Variants in DSCAM observed in about 807,000 individuals in gnomAD.
The protein encoded by DSCAM is cell adhesion molecule DSCAM.
A neutral mutation model predicts 217.7 loss-of-function variants in DSCAM; 47 were observed. The observed-to-expected ratio is 0.22, with a 90% CI of 0.17 to 0.28. The LOEUF is 0.28. DSCAM is among the 10% of genes least tolerant of loss of function. DSCAM has a pLI of 1.00. For missense variants in DSCAM, 2,080 were observed against 2,618.3 expected, an observed-to-expected ratio of 0.79 and a Z score of 4.49; for synonymous variants, 1,056 against 1,015.3, an observed-to-expected ratio of 1.04 and a Z score of -0.76.
At chr21:40,430,508 C>A (rs2205087) in intron 3 of DSCAM, among the ~76,000 whole-genome samples, 2,054 of 152,350 alleles carry the variant, frequency 0.013, 40 homozygotes, top group East Asian at 0.047. Context: ...GAACATTAGA[C>A]TCCAAGCTCT....
chr21:40,401,270 C>T (rs560271400), intron 3 of DSCAM, among the ~76,000 whole-genome samples: 15 of 152,154 alleles, frequency 9.9e-5, no homozygotes, highest in African/African-American at 3.6e-4. Flanking sequence ...TCAAAATAAC[C>T]ACACTTTATG....
intron 1 of DSCAM, among the ~76,000 whole-genome samples, chr21:40,721,597 GA>G (rs1239196661): frequency 2.0e-5 from 3 of 152,040 alleles, no homozygotes; most frequent in African/African-American, 7.2e-5. Context: ...CAATGAACCA[GA>G]AAACAGAGCA....
At chr21:40,299,099 A>G (rs754564662) in intron 9 of DSCAM, among the ~76,000 whole-genome samples, 7 of 152,170 alleles carry the variant, frequency 4.6e-5, no homozygotes, top group Non-Finnish European at 8.8e-5. Flanking sequence ...CCAGTGATTT[A>G]CAGTCACATG....
intron 3 of DSCAM, among the ~76,000 whole-genome samples, chr21:40,474,113 T>C (rs1327777287): frequency 6.6e-6 from 1 of 151,978 alleles, no homozygotes; most frequent in African/African-American, 2.4e-5. Flanking sequence ...GCCAACATGG[T>C]GAAACCAGTT....
chr21:40,062,149 T>C (rs1198536616), intron 28 of DSCAM, among the ~76,000 whole-genome samples: 2 of 152,178 alleles, frequency 1.3e-5, no homozygotes, highest in Admixed American at 1.3e-4. Context: ...AAAATAGAGT[T>C]TGGGGACGTG....
chr21:40,412,180 A>G (rs2075329496), intron 3 of DSCAM, among the ~76,000 whole-genome samples: 1 of 152,096 alleles, frequency 6.6e-6, no homozygotes, highest in Admixed American at 6.6e-5. Context: ...GCTTTTGTAA[A>G]TTGCCCAGTC....
chr21:40,185,931 A>C (rs1011551769), intron 14 of DSCAM, among the ~76,000 whole-genome samples: 4 of 152,186 alleles, frequency 2.6e-5, no homozygotes, highest in African/African-American at 4.8e-5. Context: ...CAACCCCGGA[A>C]GGCCCTTCCT....
chr21:40,349,136 CAAAAAAAAA>C (rs758386936), intron 5 of DSCAM, among the ~76,000 whole-genome samples: 10 of 38,720 alleles, frequency 2.6e-4, no homozygotes, highest in African/African-American at 8.8e-4. Context: ...GACTCCATCT[CAAAAAAAAA>C]AAAAAAAAAA....
chr21:40,307,373 C>T (rs1423610483), intron 9 of DSCAM, among the ~76,000 whole-genome samples: 3 of 152,110 alleles, frequency 2.0e-5, no homozygotes, highest in Non-Finnish European at 4.4e-5. Flanking sequence ...CAAATCAAAA[C>T]CACAGTGAGA....
chr21:40,152,828 G>A (rs1023159190), intron 16 of DSCAM, among the ~76,000 whole-genome samples: 8 of 152,200 alleles, frequency 5.3e-5, no homozygotes, highest in South Asian at 2.1e-4. Context: ...GGCATCTCTT[G>A]TGCTGAAGAC....
At chr21:40,410,380 T>C (rs1004412489) in intron 3 of DSCAM, among the ~76,000 whole-genome samples, 6 of 151,772 alleles carry the variant, frequency 4.0e-5, no homozygotes, top group Non-Finnish European at 7.4e-5. Flanking sequence ...TCAAGCAGTA[T>C]AGAATATGTG....
intron 3 of DSCAM, among the ~76,000 whole-genome samples, chr21:40,569,351 T>G (rs2076788663): frequency 6.6e-6 from 1 of 152,218 alleles, no homozygotes; most frequent in Non-Finnish European, 1.5e-5. Flanking sequence ...AAGGTTATTG[T>G]GTAGGTGTGG....
chr21:40,776,561 C>T (rs1187784135), intron 1 of DSCAM, among the ~76,000 whole-genome samples: 2 of 151,918 alleles, frequency 1.3e-5, no homozygotes, highest in African/African-American at 4.8e-5. Context: ...GGAGAAAGGC[C>T]CTGCAGACAG....
chr21:40,747,165 A>G (rs561254624), intron 1 of DSCAM, among the ~76,000 whole-genome samples: 32 of 151,766 alleles, frequency 2.1e-4, no homozygotes, highest in Non-Finnish European at 2.1e-4. Flanking sequence ...ATTAGAAAAG[A>G]AGGACAAACT....
intron 3 of DSCAM, among the ~76,000 whole-genome samples, chr21:40,484,266 C>T (rs1177678658): frequency 1.3e-5 from 2 of 152,316 alleles, no homozygotes; most frequent in East Asian, 3.9e-4. Context: ...AGTAAGTGGG[C>T]ATTAAATGCC....
chr21:40,103,398 G>C (rs1370949673), intron 20 of DSCAM, among the ~76,000 whole-genome samples: 1 of 152,150 alleles, frequency 6.6e-6, no homozygotes, highest in Non-Finnish European at 1.5e-5. Flanking sequence ...GGAACTTTTA[G>C]AATGCTTAAC....
intron 1 of DSCAM, among the ~76,000 whole-genome samples, chr21:40,787,166 A>G (rs1284773852): frequency 6.6e-6 from 1 of 152,202 alleles, no homozygotes; most frequent in African/African-American, 2.4e-5. Flanking sequence ...GCAGGTCCCT[A>G]CTCAGGGGCA....
chr21:40,081,621 A>G (rs1320126641), intron 24 of DSCAM, among the ~76,000 whole-genome samples: 2 of 152,150 alleles, frequency 1.3e-5, no homozygotes, highest in East Asian at 3.9e-4. Flanking sequence ...CAGCCGCCCT[A>G]CACATTGTAG....
Position 40,395,338 on chromosome 21 carries a change from T to A in DSCAM, c.509-26093A>T, listed in dbSNP as rs193221406. On this transcript the variant is annotated intron_variant, in intron 3 of 32. Transcript: ENST00000400454. Reference sequence around the variant, plus strand: ...GGTCTATTTTTACTTTCCTTCTGTATTTTTTTTTTTCTTTTAGATCAAAAA... The same window carrying A: ...GGTCTATTTTTACTTTCCTTCTGTAATTTTTTTTTTCTTTTAGATCAAAAA... Among the ~76,000 whole-genome samples the A allele has an allele frequency of 8.2e-5, 12 of 145,614 alleles. No homozygotes were observed. The East Asian group carries it at 2.4e-3, about 29-fold the overall frequency.
Sources: allele counts gnomAD v4.1 joint callset (sites outside exome capture counted in the v4.1 genomes callset), GRCh38; gene constraint gnomAD v4.1.1; transcripts MANE v1.5; gene names NCBI Gene and HGNC (gene_info 2026-07-23, HGNC 2026-07-21).